The following CEP63 variants were observed in gnomAD, a reference collection of about 807,000 sequenced individuals.
CEP63 encodes centrosomal protein of 63 kDa.
In CEP63, 84 loss-of-function variants were observed where a neutral mutation model predicts 89.1. That is an observed-to-expected ratio of 0.94 (90% CI 0.79 to 1.13). CEP63 has a LOEUF of 1.13. Among genes scored for constraint, CEP63 ranks in the 50% most tolerant of loss-of-function variants. CEP63 has a pLI of 0.00. For synonymous variants in CEP63, 267 were observed against 272.5 expected (o/e 0.98, Z 0.20); for missense variants, 838 against 813.3 (o/e 1.03, Z -0.37).
the CEP63 span, chr3:134,650,891 G>A: frequency 2.5e-6 from 4 of 1,612,830 alleles, no homozygotes; most frequent in African/African-American, 5.3e-5. Context: ...TGTGCGGCGC[G>A]CCGCTTCTCC....
the CEP63 span, chr3:134,627,642 G>A: frequency 1.2e-6 from 1 of 853,324 alleles, no homozygotes; most frequent in Non-Finnish European, 2.0e-6. Context: ...ACCCAAAGGT[G>A]GCCCCAGCCT....
chr3:134,546,067 G>T (rs932037832), intron 7 of CEP63, 82 bp from the exon 8 acceptor site: 1 of 1,461,124 alleles, frequency 6.8e-7, no homozygotes, highest in Non-Finnish European at 9.4e-7. Flanking sequence ...ATAATAGCTG[G>T]CTTAGAAATT....
At chr3:134,739,215 T>C in the CEP63 span, among the ~76,000 whole-genome samples, 1 of 152,220 alleles carries the variant, frequency 6.6e-6, no homozygotes, top group Non-Finnish European at 1.5e-5. Context: ...TTATTGATAG[T>C]GGCCTAAAGT....
chr3:134,781,384 C>T, the CEP63 span, among the ~76,000 whole-genome samples: 1 of 152,062 alleles, frequency 6.6e-6, no homozygotes, highest in African/African-American at 2.4e-5. Flanking sequence ...TTTCATAAGG[C>T]CTTTACAAAC....
chr3:134,655,058 C>G, the CEP63 span, among the ~76,000 whole-genome samples: 1 of 152,208 alleles, frequency 6.6e-6, no homozygotes, highest in Non-Finnish European at 1.5e-5. Context: ...TACTTAACCT[C>G]TCCGAGCCTC....
At chr3:134,625,276 G>A in the CEP63 span, 1 of 709,714 alleles carries the variant, frequency 1.4e-6, no homozygotes, top group Non-Finnish European at 2.4e-6. Flanking sequence ...GAGCCTAAGA[G>A]CTATATGGGA....
the CEP63 span, among the ~76,000 whole-genome samples, chr3:134,760,145 G>A: frequency 3.4e-5 from 5 of 146,558 alleles, no homozygotes; most frequent in Admixed American, 7.0e-5. Context: ...TGCAAGCTCC[G>A]CCTCCCGGGT....
intron 3 of CEP63, among the ~76,000 whole-genome samples, chr3:134,508,720 GA>G (rs755725775): frequency 3.9e-5 from 6 of 152,274 alleles, no homozygotes; most frequent in Non-Finnish European, 7.4e-5. Context: ...CTCTCAAAGA[GA>G]AATTAAGAGA....
At chr3:134,625,952 T>C in the CEP63 span, among the ~76,000 whole-genome samples, 227 of 152,376 alleles carry the variant, frequency 1.5e-3, 2 homozygotes, top group Non-Finnish European at 2.0e-3. Context: ...CCACTGGACA[T>C]AGGAGAGCCA....
intron 1 of CEP63, among the ~76,000 whole-genome samples, chr3:134,490,314 T>C (rs1437082415): frequency 1.3e-5 from 2 of 152,216 alleles, no homozygotes; most frequent in African/African-American, 4.8e-5. Flanking sequence ...TGAGTCTTGG[T>C]GCCTAGTGCC....
the CEP63 span, among the ~76,000 whole-genome samples, chr3:134,727,476 C>G: frequency 9.1e-4 from 138 of 152,250 alleles, no homozygotes; most frequent in African/African-American, 3.3e-3. Context: ...TTTGTCCTGA[C>G]AGCATGGCTG....
At chr3:134,763,650 G>A in the CEP63 span, among the ~76,000 whole-genome samples, 1 of 152,160 alleles carries the variant, frequency 6.6e-6, no homozygotes, top group African/African-American at 2.4e-5. Context: ...TGTTTTGGAG[G>A]AATATTCCTC....
chr3:134,659,616 A>G, the CEP63 span, among the ~76,000 whole-genome samples: 1 of 152,212 alleles, frequency 6.6e-6, no homozygotes, highest in Admixed American at 6.5e-5. Flanking sequence ...AATGTGGGCC[A>G]GCCACTCGCA....
the CEP63 span, chr3:134,628,107 T>C: frequency 2.5e-5 from 11 of 432,468 alleles, no homozygotes; most frequent in East Asian, 2.8e-4. Flanking sequence ...GGGTGATTCA[T>C]TGGGTCCTCC....
intron 3 of CEP63, among the ~76,000 whole-genome samples, chr3:134,521,651 TGTA>T (rs969525777): frequency 3.5e-4 from 54 of 152,216 alleles, no homozygotes; most frequent in African/African-American, 9.2e-4. Flanking sequence ...CTAGAACTCT[TGTA>T]GTAGGAAGTA....
chr3:134,574,992 T>C (rs1363530961), exon 12 of CEP63: 9 of 404,710 alleles, frequency 2.2e-5, no homozygotes, highest in Non-Finnish European at 3.9e-5. Flanking sequence ...AATTTTCAAA[T>C]AAATATTGTA....
intron 3 of CEP63, among the ~76,000 whole-genome samples, 198 bp from the exon 4 acceptor site, chr3:134,531,647 T>C (rs967068209): frequency 1.3e-5 from 2 of 152,180 alleles, no homozygotes; most frequent in African/African-American, 4.8e-5. Context: ...ACTAGCTGTT[T>C]GTTCACTATT....
chr3:134,752,692 G>C, the CEP63 span, among the ~76,000 whole-genome samples: 1 of 152,196 alleles, frequency 6.6e-6, no homozygotes, highest in Non-Finnish European at 1.5e-5. Context: ...GGACAAGGGA[G>C]AGGTACAGGT....
intron 3 of CEP63, among the ~76,000 whole-genome samples, chr3:134,530,115 C>T (rs1030379629): frequency 5.9e-5 from 9 of 152,190 alleles, no homozygotes; most frequent in African/African-American, 9.6e-5. Flanking sequence ...CCTCGTGATC[C>T]GCCTGCCTCA....
Sources: allele counts gnomAD v4.1 joint callset (sites outside exome capture counted in the v4.1 genomes callset), GRCh38; gene constraint gnomAD v4.1.1; transcripts MANE v1.5; gene names NCBI Gene and HGNC (gene_info 2026-07-23, HGNC 2026-07-21).